Variants in TMEM74 observed in about 807,000 individuals in gnomAD.
TMEM74 encodes transmembrane protein 74.
A neutral mutation model predicts 18.1 loss-of-function variants in TMEM74; 13 were observed. The ratio of observed to expected loss-of-function variants is 0.72; its 90% confidence interval spans 0.47 to 1.14. The LOEUF is 1.14. Among genes scored for constraint, TMEM74 ranks in the 50% most tolerant of loss-of-function variants. The probability of loss-of-function intolerance (pLI) is 0.00; values close to 1 mark genes in which losing one functional copy is unlikely to be tolerated. For synonymous variants in TMEM74, 159 were observed against 146.6 expected (o/e 1.08, Z -0.61); for missense variants, 372 against 375.9 (o/e 0.99, Z 0.09).
At chr8:108,746,306 T>C (rs1034594303) in intron 1 of TMEM74, among the ~76,000 whole-genome samples, 3 of 152,118 alleles carry the variant, frequency 2.0e-5, no homozygotes, top group African/African-American at 7.2e-5. Flanking sequence ...ACATGAACTA[T>C]TGACTTGTCT....
At chr8:108,624,549 C>T (rs1812476121) in intron 2 of TMEM74, among the ~76,000 whole-genome samples, 2 of 152,084 alleles carry the variant, frequency 1.3e-5, no homozygotes, top group South Asian at 2.1e-4. Context: ...AATAGATATG[C>T]AAATATATTC....
chr8:108,744,180 C>T (rs371651053), intron 1 of TMEM74, among the ~76,000 whole-genome samples: 4 of 152,068 alleles, frequency 2.6e-5, no homozygotes, highest in East Asian at 1.9e-4. Flanking sequence ...GTTTTGGTGT[C>T]GATCTGACGT....
intron 1 of TMEM74, among the ~76,000 whole-genome samples, chr8:108,709,560 T>A (rs1167438086): frequency 1.3e-5 from 2 of 152,120 alleles, no homozygotes; most frequent in Admixed American, 6.5e-5. Context: ...TTCAGTGGCA[T>A]AAAGTTTCAT....
chr8:108,766,679 T>A (rs1206560785), intron 1 of TMEM74, among the ~76,000 whole-genome samples: 1 of 152,108 alleles, frequency 6.6e-6, no homozygotes, highest in Non-Finnish European at 1.5e-5. Context: ...GAAAATGGAC[T>A]CACACAATCG....
chr8:108,704,606 G>T (rs1813373228), intron 1 of TMEM74, among the ~76,000 whole-genome samples: 2 of 152,246 alleles, frequency 1.3e-5, no homozygotes, highest in Middle Eastern at 3.4e-3. Context: ...CATCTACTTT[G>T]TGTTATATGT....
chr8:108,724,071 T>C (rs535258670), intron 1 of TMEM74, among the ~76,000 whole-genome samples: 3 of 152,250 alleles, frequency 2.0e-5, no homozygotes, highest in Non-Finnish European at 2.9e-5. Context: ...ACTTTCGAGG[T>C]CTTCATTATT....
At chr8:108,672,748 A>T (rs1374633188) in intron 1 of TMEM74, among the ~76,000 whole-genome samples, 5 of 152,210 alleles carry the variant, frequency 3.3e-5, no homozygotes, top group African/African-American at 1.2e-4. Context: ...TCTGAAGGAG[A>T]TCAACCAACA....
At chr8:108,611,642 A>G (rs765433466) in intron 2 of TMEM74, among the ~76,000 whole-genome samples, 1 of 152,174 alleles carries the variant, frequency 6.6e-6, no homozygotes, top group Non-Finnish European at 1.5e-5. Flanking sequence ...GTTGTTGCCG[A>G]TTTTTAATTC....
chr8:108,643,810 T>C (rs1261816196), intron 2 of TMEM74, among the ~76,000 whole-genome samples: 2 of 150,668 alleles, frequency 1.3e-5, no homozygotes, highest in Non-Finnish European at 3.0e-5. Context: ...AAAAGATCTC[T>C]ACAAGGAGAA....
intron 1 of TMEM74, among the ~76,000 whole-genome samples, chr8:108,735,566 A>G (rs1023083467): frequency 1.3e-5 from 2 of 152,188 alleles, no homozygotes; most frequent in Non-Finnish European, 2.9e-5. Flanking sequence ...GCTAAATAAT[A>G]TTCTATTGTA....
At chr8:108,729,415 A>G (rs539564561) in intron 1 of TMEM74, among the ~76,000 whole-genome samples, 1 of 152,232 alleles carries the variant, frequency 6.6e-6, no homozygotes, top group East Asian at 1.9e-4. Flanking sequence ...AGATTTTCCC[A>G]GTGTATAAGA....
chr8:108,768,910 C>G (rs1015040379), intron 1 of TMEM74, among the ~76,000 whole-genome samples: 4 of 152,100 alleles, frequency 2.6e-5, no homozygotes, highest in Admixed American at 2.0e-4. Context: ...GACCCTTTGA[C>G]CTGAGGCTGT....
intron 2 of TMEM74, among the ~76,000 whole-genome samples, chr8:108,646,799 G>T (rs1337528173): frequency 6.6e-6 from 1 of 151,984 alleles, no homozygotes; most frequent in East Asian, 1.9e-4. Context: ...CATAACTCAG[G>T]TTATAAAAAT....
intron 1 of TMEM74, among the ~76,000 whole-genome samples, chr8:108,743,470 G>C (rs949393665): frequency 1.3e-5 from 2 of 151,980 alleles, no homozygotes; most frequent in Non-Finnish European, 2.9e-5. Flanking sequence ...TTATTGATTA[G>C]AAAAAAATAG....
At chr8:108,690,678 C>A (rs958707080) in intron 1 of TMEM74, among the ~76,000 whole-genome samples, 10 of 151,942 alleles carry the variant, frequency 6.6e-5, no homozygotes, top group Admixed American at 6.6e-4. Context: ...AAAAATTAGC[C>A]GGGCATGGTG....
intron 1 of TMEM74, among the ~76,000 whole-genome samples, chr8:108,732,783 A>ATG (rs2130640354): frequency 7.1e-5 from 1 of 14,072 alleles, no homozygotes; most frequent in South Asian, 1.9e-3. Flanking sequence ...ATATTTTCAA[A>ATG]TATATATATA....
At chr8:108,644,430 C>T (rs927205665) in intron 2 of TMEM74, among the ~76,000 whole-genome samples, 2 of 152,110 alleles carry the variant, frequency 1.3e-5, no homozygotes, top group Non-Finnish European at 2.9e-5. Context: ...CCATTCTGGA[C>T]ATTGGTCTTG....
chr8:108,618,712 T>C (rs1458877569), intron 2 of TMEM74, among the ~76,000 whole-genome samples: 1 of 152,206 alleles, frequency 6.6e-6, no homozygotes, highest in African/African-American at 2.4e-5. Context: ...TGAAATGCCA[T>C]TTACTTTCTC....
intron 1 of TMEM74, among the ~76,000 whole-genome samples, chr8:108,709,514 CA>C (rs1253050405): frequency 6.6e-6 from 1 of 151,938 alleles, no homozygotes; most frequent in Non-Finnish European, 1.5e-5. Flanking sequence ...TAGTGGTTGC[CA>C]GGGGCAGGGG....
Sources: gnomAD v4.1 joint callset for allele counts (sites outside exome capture counted in the v4.1 genomes callset) on GRCh38, gnomAD v4.1.1 for gene constraint, MANE v1.5 for transcripts, NCBI Gene and HGNC (gene_info 2026-07-23, HGNC 2026-07-21) for gene names.